The following USP9X variants were observed in gnomAD, a reference collection of about 807,000 sequenced individuals.
USP9X encodes the protein ubiquitin carboxyl-terminal hydrolase 9X.
A neutral mutation model predicts 190.3 loss-of-function variants in USP9X; 7 were observed. The observed-to-expected ratio is 0.04, with a 90% CI of 0.02 to 0.07. The LOEUF (loss-of-function observed/expected upper bound fraction) is 0.07, where lower values mean the gene tolerates loss of function less well. Among genes scored for constraint, USP9X ranks in the 10% least tolerant of loss-of-function variants. USP9X has a pLI of 1.00. For missense variants in USP9X, 1,010 were observed against 1,916.9 expected (o/e 0.53, Z 8.83); for synonymous variants, 645 against 659.5 (o/e 0.98, Z 0.34).
chrX:41,142,190 C>T (rs189927664), intron 9 of USP9X, among the ~76,000 whole-genome samples: 2 of 111,464 alleles, frequency 1.8e-5, no homozygotes, highest in African/African-American at 6.5e-5. Context: ...ATATGATGTA[C>T]GTATCTGCCT....
chrX:41,197,290 C>T, intron 28 of USP9X, 74 bp from the exon 29 acceptor site: 3 of 757,449 alleles, frequency 4.0e-6, no homozygotes, highest in East Asian at 7.1e-5. Context: ...GCTCCTCTCT[C>T]CCTCTTTACC....
rs1049597402 is a variant in USP9X, at chrX:41,110,977, A to G, written c.-158-12494A>G. Among the ~76,000 whole-genome samples, 3 of 111,657 alleles carry G rather than the reference A, an allele frequency of 2.7e-5. No homozygotes were observed. In the East Asian group the frequency reaches 8.4e-4, roughly 31 times the overall value. ...GTGGGAGTGGAAAAGATAACATTGG[A>G]CACATCATGAAAGAAGAATGGAGGA... On this transcript the variant is annotated intron_variant, in intron 1 of 44. Coordinates refer to ENST00000378308, the MANE Select transcript of USP9X (RefSeq NM_001039591.3).
chrX:41,162,005 G>A (rs902030060), intron 14 of USP9X, among the ~76,000 whole-genome samples: 1 of 111,158 alleles, frequency 9.0e-6, no homozygotes, highest in Non-Finnish European at 1.9e-5. Flanking sequence ...AATATATGTG[G>A]AATTAGAAAG....
At chrX:41,160,767 G>A (rs981060937) in intron 14 of USP9X, among the ~76,000 whole-genome samples, 1 of 112,004 alleles carries the variant, frequency 8.9e-6, no homozygotes, top group African/African-American at 3.2e-5. Flanking sequence ...TTTCAAAAAG[G>A]TCAAAGAACA....
chrX:41,168,480 A>G (rs898977428), intron 18 of USP9X, among the ~76,000 whole-genome samples: 1 of 111,864 alleles, frequency 8.9e-6, no homozygotes, highest in Admixed American at 9.5e-5. Flanking sequence ...TAAGTGTTGC[A>G]GTGGCATTTT....
intron 15 of USP9X, among the ~76,000 whole-genome samples, chrX:41,163,674 A>G (rs900848653): frequency 1.9e-5 from 2 of 106,144 alleles, no homozygotes; most frequent in Admixed American, 2.0e-4. Flanking sequence ...GATCACTTCA[A>G]CCTCGGAGGC....
chrX:41,146,664 C>CTTTT (rs748840962), intron 11 of USP9X, among the ~76,000 whole-genome samples: 34 of 50,357 alleles, frequency 6.8e-4, no homozygotes, highest in Admixed American at 1.1e-3. Context: ...AGCTATTTGC[C>CTTTT]TTTTTTTTTT....
intron 9 of USP9X, among the ~76,000 whole-genome samples, chrX:41,142,664 T>C (rs551095988): frequency 5.6e-4 from 63 of 111,929 alleles, no homozygotes; most frequent in African/African-American, 1.7e-3. Flanking sequence ...GTTTGTATCA[T>C]GAGTTAGCAC....
chrX:41,183,983 C>G lies in USP9X; in HGVS notation c.3149-15C>G, dbSNP rs1459152441. On this transcript the variant is annotated splice_polypyrimidine_tract_variant and intron_variant, in intron 21 of 44. Transcript: ENST00000378308. Reference sequence around the variant, plus strand: ...CATGAATTACATTTTCACACTGTCTCTTTTTTTCCTCCAGATAGCACAACG... The same window carrying G: ...CATGAATTACATTTTCACACTGTCTGTTTTTTTCCTCCAGATAGCACAACG... 1 of 1,192,222 alleles carries G rather than the reference C, an allele frequency of 8.4e-7. No homozygotes were observed. Among genetic ancestry groups the G allele is most frequent in the Admixed American group, 2.4e-5 (1 of 42,057 alleles).
At chrX:41,204,635 A>G (rs893179691) in intron 31 of USP9X, among the ~76,000 whole-genome samples, 3 of 111,721 alleles carry the variant, frequency 2.7e-5, no homozygotes, top group African/African-American at 9.8e-5. Flanking sequence ...ACAGTAGTCC[A>G]ATGAGATTAT....
chrX:41,196,294 A>T lies in USP9X; in HGVS notation c.4021A>T (p.Thr1341Ser). The T allele has an allele frequency of 8.3e-7, 1 of 1,211,686 alleles. No individual in the cohort carries two copies. The highest frequency in any genetic ancestry group is 3.0e-5 in the East Asian group (1 of 33,862). ...ACAGGAGCAGTTCTTTTTAATGTGC[A>T]CCAGATGTTGCATGGGACACCGGCC... is the stretch of plus-strand genomic sequence containing the variant. ...VAQEQFFLMC[T>S]RCCMGHRPLL... The change falls in exon 27 of 45, where the codon ACC becomes TCC. Residue 1341 changes from threonine (T) to serine (S), a missense_variant. Coordinates refer to ENST00000378308, the MANE Select transcript of USP9X (RefSeq NM_001039591.3).
intron 5 of USP9X, among the ~76,000 whole-genome samples, chrX:41,135,755 C>T (rs1302246764): frequency 9.0e-6 from 1 of 111,235 alleles, no homozygotes; most frequent in African/African-American, 3.3e-5. Context: ...CTCAGCCTCC[C>T]GAGTAGCTGG....
Position 41,233,014 on chromosome X carries a change from T to G in USP9X, c.*490T>G, listed in dbSNP as rs2063375297. On this transcript the variant is annotated 3_prime_UTR_variant, in exon 45 of 45. Transcript: ENST00000378308. The stretch of plus-strand genomic sequence containing the variant: ...TAGTTTCATGTTAATTCTTTGCCAC[T>G]GGAGTCAATTTTGCTATGAGCAATG... The G allele has an allele frequency of 8.9e-6, 1 of 112,621 alleles. No homozygotes were observed. The highest frequency in any genetic ancestry group is 3.6e-4 in the South Asian group (1 of 2,783). 9.3% of individuals were successfully genotyped at this position (112,621 alleles called of 1,213,427 possible).
intron 14 of USP9X, among the ~76,000 whole-genome samples, chrX:41,155,383 C>T (rs1009302174): frequency 8.9e-6 from 1 of 111,810 alleles, no homozygotes; most frequent in African/African-American, 3.3e-5. Context: ...GAAGTATAAA[C>T]CACCTTTTAG....
At chrX:41,154,489 A>G (rs914926092) in intron 14 of USP9X, among the ~76,000 whole-genome samples, 2 of 111,755 alleles carry the variant, frequency 1.8e-5, no homozygotes, top group African/African-American at 3.3e-5. Context: ...CTTCATTTGC[A>G]TGTGGTGTTT....
At position 41,143,405 on chromosome X, in the gene USP9X, C is replaced by T. The variant is rs2062438746; in HGVS notation, c.1276C>T (p.Leu426=). The T allele has an allele frequency of 8.3e-7, 1 of 1,204,552 alleles. No individual in the cohort carries two copies. The highest frequency in any genetic ancestry group is 1.1e-6 in the Non-Finnish European group (1 of 892,535). Residue 426 remains leucine (L), a synonymous_variant, in exon 10 of 45, where the codon CTG becomes TTG. Transcript: ENST00000378308. ...TCGTTTTGTCATCAAAGAAAAAGCT[C>T]TGACCTTACAGGATCTTGATAATAT... ...ILRFVIKEKA[L]TLQDLDNIWA...
chrX:41,143,502 G>T (rs1320777837), intron 10 of USP9X, 59 bp downstream of exon 10: 25 of 1,021,716 alleles, frequency 2.4e-5, no homozygotes, highest in Non-Finnish European at 3.3e-5. Context: ...AAAAACTGAA[G>T]AAATACAGTA....
At chrX:41,183,919 A>G in intron 21 of USP9X, 79 bp from the exon 22 acceptor site, 1 of 1,079,439 alleles carries the variant, frequency 9.3e-7, no homozygotes, top group Non-Finnish European at 1.2e-6. Flanking sequence ...CCATATTAGT[A>G]TGGTCTTCAA....
chrX:41,229,393 C>G lies in USP9X; in HGVS notation c.7202C>G (p.Ala2401Gly), dbSNP rs2063341767. 1.7e-6 allele frequency: 2 copies of G among 1,176,891 alleles called. No individual in the cohort carries two copies. The highest frequency in any genetic ancestry group is 3.6e-5 in the African/African-American group (2 of 55,295). ...MVALFSNCPV[A>G]YQILQGNGDL... The stretch of plus-strand genomic sequence containing the variant: ...GCTCTATTTAGTAACTGTCCTGTTG[C>G]TTACCAAATCCTGCAGGTGAGGATT... The change falls in exon 42 of 45, where the codon GCT (alanine) becomes GGT (glycine). Residue 2401 changes from alanine (A) to glycine (G), a missense_variant. Transcript: ENST00000378308.
Sources: gnomAD v4.1 joint callset for allele counts (sites outside exome capture counted in the v4.1 genomes callset) on GRCh38, gnomAD v4.1.1 for gene constraint, MANE v1.5 for transcripts, NCBI Gene and HGNC (gene_info 2026-07-23, HGNC 2026-07-21) for gene names.